The following SGCZ variants were observed in gnomAD, a reference collection of about 807,000 sequenced individuals.
SGCZ encodes the protein zeta-sarcoglycan.
SGCZ carries 40 observed loss-of-function variants against 41.3 expected under a neutral mutation model. The observed-to-expected ratio is 0.97, with a 90% CI of 0.75 to 1.26. The LOEUF is 1.26. Among genes scored for constraint, SGCZ ranks in the 50% most tolerant of loss-of-function variants. The pLI, the probability that SGCZ is intolerant of heterozygous loss-of-function variation, is 0.00. For missense variants in SGCZ, 552 were observed against 369.8 expected (o/e 1.49, Z -4.04); for synonymous variants, 206 against 137.5 (o/e 1.50, Z -3.49).
intron 1 of SGCZ, among the ~76,000 whole-genome samples, chr8:14,606,455 G>A (rs527703466): frequency 6.6e-6 from 1 of 152,126 alleles, no homozygotes; most frequent in Non-Finnish European, 1.5e-5. Flanking sequence ...TATGTATTAA[G>A]TTGTTGTTGA....
intron 2 of SGCZ, among the ~76,000 whole-genome samples, chr8:14,366,682 T>G (rs1302657296): frequency 1.3e-5 from 2 of 152,116 alleles, no homozygotes; most frequent in African/African-American, 4.8e-5. Context: ...TTTTCAAAAC[T>G]AACCATGCCT....
At chr8:14,514,968 CG>C (rs1802578608) in intron 2 of SGCZ, among the ~76,000 whole-genome samples, 1 of 151,706 alleles carries the variant, frequency 6.6e-6, no homozygotes, top group African/African-American at 2.4e-5. Context: ...CATCCAATTC[CG>C]ATTATAATTG....
chr8:14,899,147 C>G (rs965517205), intron 1 of SGCZ, among the ~76,000 whole-genome samples: 2 of 151,878 alleles, frequency 1.3e-5, no homozygotes, highest in African/African-American at 4.8e-5. Flanking sequence ...TTATCAAGAC[C>G]CTTTACATAA....
At chr8:15,234,891 A>AAACTAAGCT (rs1167722923) in intron 1 of SGCZ, among the ~76,000 whole-genome samples, 1 of 145,824 alleles carries the variant, frequency 6.9e-6, no homozygotes, top group Non-Finnish European at 1.5e-5. Flanking sequence ...TGATCATCTA[A>AAACTAAGCT]AACTAAGCTA....
chr8:15,040,178 A>C (rs1311615459), intron 1 of SGCZ, among the ~76,000 whole-genome samples: 2 of 152,242 alleles, frequency 1.3e-5, no homozygotes, highest in African/African-American at 4.8e-5. Context: ...AAATGTTTAA[A>C]TACTAATGGT....
chr8:14,923,951 C>G (rs1799667443), intron 1 of SGCZ, among the ~76,000 whole-genome samples: 1 of 152,062 alleles, frequency 6.6e-6, no homozygotes, highest in Non-Finnish European at 1.5e-5. Context: ...CAGAGCTTCC[C>G]TTATGTGACA....
intron 2 of SGCZ, among the ~76,000 whole-genome samples, chr8:14,344,929 C>T (rs576310832): frequency 7.2e-4 from 109 of 151,880 alleles, no homozygotes; most frequent in African/African-American, 2.5e-3. Context: ...TGGATTTCTA[C>T]GATACAACTA....
At chr8:14,647,729 G>A (rs1181706529) in intron 1 of SGCZ, among the ~76,000 whole-genome samples, 4 of 151,928 alleles carry the variant, frequency 2.6e-5, no homozygotes, top group Non-Finnish European at 4.4e-5. Flanking sequence ...AAGTAAATAT[G>A]TATGTTAATA....
intron 1 of SGCZ, among the ~76,000 whole-genome samples, chr8:14,842,351 A>C (rs779297786): frequency 6.6e-6 from 1 of 152,008 alleles, no homozygotes; most frequent in Non-Finnish European, 1.5e-5. Flanking sequence ...AAAAAAAGGA[A>C]GGAAGGAAAC....
At chr8:14,587,286 AT>A (rs151287720) in intron 1 of SGCZ, among the ~76,000 whole-genome samples, 4,480 of 152,154 alleles carry the variant, frequency 0.029, 93 homozygotes, top group Middle Eastern at 0.044. Context: ...ACTGAAAAAA[AT>A]GTTTAATTAA....
chr8:15,001,513 A>T (rs1260817182), intron 1 of SGCZ, among the ~76,000 whole-genome samples: 2 of 152,138 alleles, frequency 1.3e-5, no homozygotes, highest in African/African-American at 4.8e-5. Flanking sequence ...GCGGATCACG[A>T]GGTCAGGAGA....
At chr8:14,602,290 G>A (rs886330555) in intron 1 of SGCZ, among the ~76,000 whole-genome samples, 3 of 152,064 alleles carry the variant, frequency 2.0e-5, no homozygotes, top group African/African-American at 7.2e-5. Flanking sequence ...GTAGGAATTT[G>A]AGTTGTATTT....
In SGCZ at chr8:14,225,620, A is replaced by C. The variant is rs139799170; in HGVS notation, c.424+11972T>G. 1.7e-3 allele frequency among the ~76,000 whole-genome samples: 254 copies of C among 152,262 alleles called. 1 individual carries two copies. The highest frequency in any genetic ancestry group is 6.0e-3 in the African/African-American group (250 of 41,566). On this transcript the variant is annotated intron_variant, in intron 4 of 7. Transcript: ENST00000382080. ...AGTCAGAGGGATAGATTTGGGTGTTATCCACATATATGTGATATGCTAAAG... is the reference window on the plus strand; with the variant it reads ...AGTCAGAGGGATAGATTTGGGTGTTCTCCACATATATGTGATATGCTAAAG...
At chr8:14,726,817 C>T (rs1400560633) in intron 1 of SGCZ, among the ~76,000 whole-genome samples, 1 of 151,770 alleles carries the variant, frequency 6.6e-6, no homozygotes, top group African/African-American at 2.4e-5. Context: ...CAAATATTTA[C>T]AATCTGCCAA....
chr8:15,122,261 A>T (rs1807510562), intron 1 of SGCZ, among the ~76,000 whole-genome samples: 1 of 152,070 alleles, frequency 6.6e-6, no homozygotes, highest in East Asian at 1.9e-4. Flanking sequence ...CTTAATGGGA[A>T]TTGTGGTATG....
chr8:14,619,208 G>A (rs574000989), intron 1 of SGCZ, among the ~76,000 whole-genome samples: 3 of 148,714 alleles, frequency 2.0e-5, no homozygotes, highest in African/African-American at 7.2e-5. Flanking sequence ...TATCTCAATA[G>A]ATGCAGAAAA....
intron 2 of SGCZ, among the ~76,000 whole-genome samples, chr8:14,546,841 C>T (rs779386532): frequency 3.0e-4 from 46 of 151,920 alleles, no homozygotes; most frequent in African/African-American, 6.0e-4. Context: ...CAATGAAATG[C>T]GGTGGAATCT....
intron 1 of SGCZ, among the ~76,000 whole-genome samples, chr8:15,007,247 A>T (rs1469748467): frequency 6.6e-6 from 1 of 152,216 alleles, no homozygotes; most frequent in East Asian, 1.9e-4. Context: ...TTAGATATTA[A>T]TTTTCACCAC....
At chr8:14,237,819 C>G in intron 3 of SGCZ, 140 bp from the exon 4 acceptor site, 1 of 636,830 alleles carries the variant, frequency 1.6e-6, no homozygotes, top group Non-Finnish European at 2.6e-6. Context: ...ACGTCCCAAT[C>G]ATTGGTGGAC....
Sources: allele counts gnomAD v4.1 joint callset (sites outside exome capture counted in the v4.1 genomes callset), GRCh38; gene constraint gnomAD v4.1.1; transcripts MANE v1.5; gene names NCBI Gene and HGNC (gene_info 2026-07-23, HGNC 2026-07-21).